The following ADGRL2 variants were observed in gnomAD, a reference collection of about 807,000 sequenced individuals.
ADGRL2 encodes calcium-independent alpha-latrotoxin receptor 2.
ADGRL2 carries 44 observed loss-of-function variants against 157.4 expected under a neutral mutation model. The ratio of observed to expected loss-of-function variants is 0.28; its 90% CI spans 0.22 to 0.36. The LOEUF is 0.36. Ranked by LOEUF, ADGRL2 falls within the 10% of genes least tolerant of loss-of-function variation. The pLI, the probability that ADGRL2 is intolerant of heterozygous loss-of-function variation, is 1.00. For missense variants in ADGRL2, 1,510 were observed against 1,768.9 expected (o/e 0.85, Z 2.63); for synonymous variants, 585 against 624.7 (o/e 0.94, Z 0.95).
At chr1:81,703,236 C>T (rs1388900791) in intron 1 of ADGRL2, among the ~76,000 whole-genome samples, 1 of 152,066 alleles carries the variant, frequency 6.6e-6, no homozygotes, top group African/African-American at 2.4e-5. Context: ...GGAATCTGTA[C>T]CCAGAAAGTG....
At chr1:81,903,813 AC>A (rs1319547254) in intron 2 of ADGRL2, among the ~76,000 whole-genome samples, 7 of 63,542 alleles carry the variant, frequency 1.1e-4, no homozygotes, top group African/African-American at 4.7e-4. Context: ...CATTTTATAT[AC>A]ACACACACAC....
At chr1:81,503,110 T>C in intron 2 of ADGRL2, 11 of 1,612,868 alleles carry the variant, frequency 6.8e-6, no homozygotes, top group Non-Finnish European at 8.5e-6. Context: ...GTCGAGGCTG[T>C]CTGAGGAGGA....
chr1:81,362,610 G>A (rs1302161882), intron 1 of ADGRL2, among the ~76,000 whole-genome samples: 4 of 151,726 alleles, frequency 2.6e-5, no homozygotes, highest in African/African-American at 4.8e-5. Flanking sequence ...AGGAAATATA[G>A]CAGTGATCAA....
At chr1:81,590,920 T>C (rs2081119611) in intron 3 of ADGRL2, among the ~76,000 whole-genome samples, 1 of 152,084 alleles carries the variant, frequency 6.6e-6, no homozygotes, top group Non-Finnish European at 1.5e-5. Context: ...GTCCATTACA[T>C]AGCTTTATAT....
chr1:81,972,706 T>A (rs925937827), intron 17 of ADGRL2, among the ~76,000 whole-genome samples: 17 of 151,600 alleles, frequency 1.1e-4, no homozygotes, highest in Non-Finnish European at 2.2e-4. Context: ...AGGCAAGGAG[T>A]TAGAGGCTAG....
At chr1:81,514,228 A>T (rs2079131564) in intron 2 of ADGRL2, among the ~76,000 whole-genome samples, 1 of 152,008 alleles carries the variant, frequency 6.6e-6, no homozygotes, top group South Asian at 2.1e-4. Context: ...GTTGTTTTGG[A>T]TTGCATATTA....
chr1:81,308,556 G>A (rs550195166), intron 1 of ADGRL2, among the ~76,000 whole-genome samples: 116 of 152,260 alleles, frequency 7.6e-4, no homozygotes, highest in African/African-American at 2.7e-3. Context: ...ATAAAAAGTG[G>A]CCAAGGAGAT....
rs1422715331 is a variant in ADGRL2 at position 81,990,740 on chromosome 1, A to T, written c.4005A>T (p.Ala1335=). The change falls in exon 24 of 24, where the codon GCA becomes GCT. Residue 1335 remains alanine, a synonymous_variant. Transcript: ENST00000686636. ...GLELHHKELE[A]PLIPQRTHSL... ...AGCTCCATCACAAAGAACTCGAGGC[A>T]CCACTTATTCCTCAGCGGACTCACT... The T allele has an allele frequency of 6.2e-7, 1 of 1,614,106 alleles. No homozygotes were observed.
chr1:81,754,635 TTTTCC>T (rs1196703304), intron 1 of ADGRL2, among the ~76,000 whole-genome samples: 1 of 149,782 alleles, frequency 6.7e-6, no homozygotes, highest in Admixed American at 6.7e-5. Flanking sequence ...TTCTTTCTTC[TTTTCC>T]TTTCCTTTCC....
At chr1:81,419,299 G>A (rs530646909) in intron 1 of ADGRL2, among the ~76,000 whole-genome samples, 1 of 152,258 alleles carries the variant, frequency 6.6e-6, no homozygotes, top group South Asian at 2.1e-4. Context: ...CGCCTTCTGG[G>A]TTCAAGCAAT....
At chr1:81,364,094 C>T (rs2076023427) in intron 1 of ADGRL2, among the ~76,000 whole-genome samples, 1 of 152,062 alleles carries the variant, frequency 6.6e-6, no homozygotes, top group South Asian at 2.1e-4. Context: ...CCAACACTTG[C>T]ATTTGCCCCA....
At chr1:81,516,518 A>T (rs2079181682) in intron 2 of ADGRL2, among the ~76,000 whole-genome samples, 1 of 152,132 alleles carries the variant, frequency 6.6e-6, no homozygotes, top group Admixed American at 6.5e-5. Flanking sequence ...AGAGCCCCAC[A>T]TGTTTTCCAT....
At chr1:81,767,916 A>G (rs1024156561) in intron 2 of ADGRL2, among the ~76,000 whole-genome samples, 18 of 152,056 alleles carry the variant, frequency 1.2e-4, no homozygotes, top group Admixed American at 9.8e-4. Context: ...AAAAATTTCA[A>G]ATTTATTAGA....
At chr1:81,890,531 CG>C (rs1571940876) in intron 2 of ADGRL2, among the ~76,000 whole-genome samples, 1 of 151,802 alleles carries the variant, frequency 6.6e-6, no homozygotes, top group Non-Finnish European at 1.5e-5. Context: ...AGTTGGGGGT[CG>C]GGGAGAATTT....
At chr1:81,789,488 G>C (rs1188969740) in intron 2 of ADGRL2, among the ~76,000 whole-genome samples, 1 of 152,048 alleles carries the variant, frequency 6.6e-6, no homozygotes, top group Non-Finnish European at 1.5e-5. Flanking sequence ...AGCACTTTGG[G>C]AGGCCGAGGT....
intron 1 of ADGRL2, among the ~76,000 whole-genome samples, chr1:81,360,122 C>T (rs1463418294): frequency 6.6e-6 from 1 of 151,956 alleles, no homozygotes; most frequent in Non-Finnish European, 1.5e-5. Context: ...CTACTCTTTA[C>T]CCAGTTTTCT....
At chr1:81,596,126 T>G in intron 3 of ADGRL2, 1 of 403,988 alleles carries the variant, frequency 2.5e-6, no homozygotes, top group Non-Finnish European at 4.7e-6. Flanking sequence ...TAACAACTGG[T>G]AATCAATTTA....
intron 1 of ADGRL2, among the ~76,000 whole-genome samples, chr1:81,322,172 A>C (rs1017980646): frequency 6.7e-6 from 1 of 149,342 alleles, no homozygotes; most frequent in Non-Finnish European, 1.5e-5. Flanking sequence ...ACATATGTAC[A>C]TGTATATACA....
At chr1:81,727,493 C>T (rs1286780249) in intron 1 of ADGRL2, among the ~76,000 whole-genome samples, 1 of 152,012 alleles carries the variant, frequency 6.6e-6, no homozygotes, top group Admixed American at 6.6e-5. Flanking sequence ...AGTGCAGTGG[C>T]ATGATCTCAG....
Sources: allele counts gnomAD v4.1 joint callset (sites outside exome capture counted in the v4.1 genomes callset), GRCh38; gene constraint gnomAD v4.1.1; transcripts MANE v1.5; gene names NCBI Gene and HGNC (gene_info 2026-07-23, HGNC 2026-07-21).